The following ZMPSTE24 variants were observed in gnomAD, a reference collection of about 807,000 sequenced individuals.
ZMPSTE24 encodes the protein CAAX prenyl protease 1 homolog.
A neutral mutation model predicts 56.7 loss-of-function variants in ZMPSTE24; 48 were observed. The ratio of observed to expected loss-of-function variants is 0.85; its 90% CI spans 0.67 to 1.08. The LOEUF (loss-of-function observed/expected upper bound fraction) is 1.08. Ranked by LOEUF, ZMPSTE24 falls within the 50% of genes least tolerant of loss-of-function variation. The probability of loss-of-function intolerance (pLI) is 0.00; values close to 1 mark genes in which losing one functional copy is unlikely to be tolerated. For synonymous variants in ZMPSTE24, 172 were observed against 195.2 expected (o/e 0.88, Z 0.99); for missense variants, 503 against 548.7 (o/e 0.92, Z 0.83).
chr1:40,273,804 C>G (rs1040331962), intron 6 of ZMPSTE24, among the ~76,000 whole-genome samples: 20 of 151,482 alleles, frequency 1.3e-4, no homozygotes, highest in African/African-American at 4.6e-4. Flanking sequence ...AGTTGCTGAT[C>G]CCTTAAGTTA....
chr1:40,277,232 C>T (rs1330094674), intron 6 of ZMPSTE24, among the ~76,000 whole-genome samples: 1 of 151,916 alleles, frequency 6.6e-6, no homozygotes, highest in African/African-American at 2.4e-5. Context: ...ACTACAGGCG[C>T]CCGCCAGCAC....
At chr1:40,274,745 T>C (rs1643651553) in intron 6 of ZMPSTE24, among the ~76,000 whole-genome samples, 2 of 152,146 alleles carry the variant, frequency 1.3e-5, no homozygotes, top group South Asian at 4.1e-4. Context: ...GGCTACTGTA[T>C]GGAGAATATG....
At position 40,281,404 on chromosome 1, in the gene ZMPSTE24, A is replaced by G. The variant is rs755487232; in HGVS notation, c.831A>G (p.Ile277Met). ...YFYGFFKNKR[I>M]VLFDTLLEEY... ...ATGGCTTCTTCAAGAACAAGCGAAT[A>G]GTTTTGTTTGACACTCTACTAGAAG... Residue 277 changes from isoleucine to methionine, a missense_variant, in exon 7 of 10, where the codon ATA becomes ATG. Transcript: ENST00000372759. 3.1e-6 allele frequency: 5 copies of G among 1,614,042 alleles called. No homozygotes were observed. The Admixed American group carries it at 6.7e-5, about 22-fold the overall frequency.
At chr1:40,282,628 C>T (rs972397526) in intron 7 of ZMPSTE24, among the ~76,000 whole-genome samples, 13 of 152,220 alleles carry the variant, frequency 8.5e-5, no homozygotes, top group African/African-American at 3.1e-4. Context: ...AGGCGTGTGC[C>T]ACCGCACCCC....
chr1:40,285,519 C>T (rs529674005), intron 7 of ZMPSTE24, among the ~76,000 whole-genome samples: 3 of 152,188 alleles, frequency 2.0e-5, no homozygotes, highest in Non-Finnish European at 2.9e-5. Context: ...AGATTACAGG[C>T]GTGAGCCACT....
rs562788395 is a variant in ZMPSTE24 at position 40,288,042 on chromosome 1, G to C, written c.1059+2013G>C. On this transcript the variant is annotated intron_variant, in intron 8 of 9. Coordinates refer to ENST00000372759, the MANE Select transcript of ZMPSTE24 (RefSeq NM_005857.5). ...AAGGTTAAAAAATTAGCTGGGCTTG[G>C]TGGTATGCACCTGTAGTCCCAGCTA... Among the ~76,000 whole-genome samples, 3 of 152,090 alleles carry C rather than the reference G, an allele frequency of 2.0e-5. No homozygotes were observed. The East Asian group carries it at 5.8e-4, about 30-fold the overall frequency.
intron 7 of ZMPSTE24, among the ~76,000 whole-genome samples, chr1:40,281,758 T>C (rs1643732852): frequency 6.6e-6 from 1 of 152,150 alleles, no homozygotes; most frequent in Admixed American, 6.5e-5. Flanking sequence ...GAAGCTCTTA[T>C]AAGAAAATTC....
chr1:40,286,641 G>A (rs915266908), intron 8 of ZMPSTE24, among the ~76,000 whole-genome samples: 4 of 151,354 alleles, frequency 2.6e-5, no homozygotes, highest in Admixed American at 6.6e-5. Flanking sequence ...GGCTGGTCTC[G>A]AACTCCTGAC....
chr1:40,267,940 T>G (rs1557774744), intron 3 of ZMPSTE24, 68 bp downstream of exon 3: 2 of 1,441,626 alleles, frequency 1.4e-6, no homozygotes, highest in Non-Finnish European at 2.0e-6. Context: ...CCACTAAAGT[T>G]AATTTTTTGG....
intron 7 of ZMPSTE24, 118 bp downstream of exon 7, chr1:40,281,645 A>G: frequency 9.4e-7 from 1 of 1,066,990 alleles, no homozygotes; most frequent in South Asian, 1.4e-5. Context: ...CTATCAGATG[A>G]AAACCATGGC....
At position 40,274,648 on chromosome 1, in the gene ZMPSTE24, G is replaced by A. The variant is rs528896453; in HGVS notation, c.769+2613G>A. On this transcript the variant is annotated intron_variant, in intron 6 of 9. Transcript: ENST00000372759. ...AGGCCTTTGTAAGTCAGGGTAAGGA[G>A]TTTGGATTTTGAGTTCAGTGGGAAG... Among the ~76,000 whole-genome samples, 6 of 152,320 alleles carry A rather than the reference G, an allele frequency of 3.9e-5. No homozygotes were observed. In the East Asian group the frequency reaches 1.2e-3, roughly 29 times the overall value.
intron 6 of ZMPSTE24, among the ~76,000 whole-genome samples, chr1:40,277,219 G>A (rs190465485): frequency 1.3e-5 from 2 of 151,858 alleles, no homozygotes; most frequent in Admixed American, 6.6e-5. Context: ...CTGAGTAGCT[G>A]GGACTACAGG....
At chr1:40,271,611 T>C (rs951802657) in intron 5 of ZMPSTE24, among the ~76,000 whole-genome samples, 1 of 152,248 alleles carries the variant, frequency 6.6e-6, no homozygotes, top group Non-Finnish European at 1.5e-5. Context: ...ACTATACTTA[T>C]TACCACCTAG....
Position 40,277,085 on chromosome 1 carries a change from C to CTTT in ZMPSTE24, c.770-4242_770-4240dup, listed in dbSNP as rs574397138. The stretch of plus-strand genomic sequence containing the variant: ...AAGCTTACAGTACAGTACAGGGATT[C>CTTT]TTTTTTTTTTTTTTTTTTGAGACGG... On this transcript the variant is annotated intron_variant, in intron 6 of 9. Coordinates refer to ENST00000372759, the MANE Select transcript of ZMPSTE24 (RefSeq NM_005857.5). Among the ~76,000 whole-genome samples the CTTT allele has an allele frequency of 2.6e-4, 34 of 130,078 alleles. 1 individual carries two copies. Among genetic ancestry groups the CTTT allele is most frequent in the African/African-American group, 7.2e-4 (25 of 34,718 alleles). 85.3% of individuals were successfully genotyped at this position (130,078 alleles called of 152,430 possible).
intron 7 of ZMPSTE24, among the ~76,000 whole-genome samples, chr1:40,284,135 G>C (rs1014641795): frequency 1.5e-5 from 2 of 135,552 alleles, no homozygotes; most frequent in Non-Finnish European, 3.1e-5. Flanking sequence ...GGTATCTTTA[G>C]TAGAGACGGG....
chr1:40,267,307 AT>A (rs1242413912), intron 2 of ZMPSTE24, among the ~76,000 whole-genome samples: 1 of 151,294 alleles, frequency 6.6e-6, no homozygotes, highest in Middle Eastern at 3.2e-3. Context: ...AAATAGGTCT[AT>A]TTTTTAAAAA....
rs137929811 is a variant in ZMPSTE24 at position 40,268,319 on chromosome 1, A to G, written c.358-100A>G. The G allele has an allele frequency of 1.2e-4, 102 of 821,694 alleles. No individual in the cohort carries two copies. The African/African-American group carries it at 1.5e-3, about 12-fold the overall frequency. 50.9% of individuals were successfully genotyped at this position (821,694 alleles called of 1,614,324 possible). A position where few individuals can be genotyped will look rare whatever the true frequency, so the allele number is the denominator to read the frequency against. On this transcript the variant is annotated intron_variant, in intron 3 of 9. Coordinates refer to ENST00000372759, the MANE Select transcript of ZMPSTE24 (RefSeq NM_005857.5). Reference sequence around the variant, plus strand: ...CCTTATGTTATCCATAGAATCAAGCATATTGCTTGGGATGTAGTAAGTAAG... The same window carrying G: ...CCTTATGTTATCCATAGAATCAAGCGTATTGCTTGGGATGTAGTAAGTAAG...
chr1:40,260,463 A>T (rs552392983), intron 1 of ZMPSTE24, among the ~76,000 whole-genome samples: 1 of 152,290 alleles, frequency 6.6e-6, no homozygotes, highest in South Asian at 2.1e-4. Context: ...GTATCTGTTC[A>T]TACTCACAGT....
At chr1:40,285,479 ATCTG>A (rs1643777413) in intron 7 of ZMPSTE24, among the ~76,000 whole-genome samples, 1 of 152,132 alleles carries the variant, frequency 6.6e-6, no homozygotes. Context: ...GCTTCAAGTT[ATCTG>A]TCTGCCTCGG....
Sources: allele counts gnomAD v4.1 joint callset (sites outside exome capture counted in the v4.1 genomes callset), GRCh38; gene constraint gnomAD v4.1.1; transcripts MANE v1.5; gene names NCBI Gene and HGNC (gene_info 2026-07-23, HGNC 2026-07-21).